The following CCDC191 variants were observed in gnomAD, a reference collection of about 807,000 sequenced individuals.
CCDC191 encodes coiled-coil domain-containing protein 191.
A neutral mutation model predicts 114.0 loss-of-function variants in CCDC191; 99 were observed. That is an observed-to-expected ratio of 0.87 (90% CI 0.74 to 1.03). The LOEUF (loss-of-function observed/expected upper bound fraction) is 1.03. Ranked by LOEUF, CCDC191 falls within the 50% of genes least tolerant of loss-of-function variation. CCDC191 has a pLI of 0.00. For synonymous variants in CCDC191, 351 were observed against 376.0 expected (o/e 0.93, Z 0.77); for missense variants, 973 against 1,087.0 (o/e 0.90, Z 1.47).
intron 16 of CCDC191, among the ~76,000 whole-genome samples, chr3:113,966,610 T>C (rs1445485934): frequency 6.6e-6 from 1 of 152,142 alleles, no homozygotes; most frequent in Non-Finnish European, 1.5e-5. Flanking sequence ...GTGGTGTGTG[T>C]GTGGAGTTAC....
intron 8 of CCDC191, among the ~76,000 whole-genome samples, chr3:114,013,324 G>A (rs2076105097): frequency 6.6e-6 from 1 of 152,120 alleles, no homozygotes; most frequent in South Asian, 2.1e-4. Flanking sequence ...AGGCAGAAAG[G>A]CAGAAGCACA....
intron 4 of CCDC191, among the ~76,000 whole-genome samples, chr3:114,041,590 C>T (rs1345302337): frequency 6.6e-6 from 1 of 152,116 alleles, no homozygotes; most frequent in Non-Finnish European, 1.5e-5. Flanking sequence ...TGTAGAAGAT[C>T]TCTATCTGGG....
chr3:113,978,153 G>A (rs754984259), intron 16 of CCDC191, 33 bp downstream of exon 16: 2 of 1,610,984 alleles, frequency 1.2e-6, no homozygotes, highest in Middle Eastern at 1.7e-4. Context: ...TGTGAAGTCA[G>A]AGAGTGAATT....
chr3:114,030,656 T>A (rs1201172770), intron 7 of CCDC191, among the ~76,000 whole-genome samples: 1 of 152,218 alleles, frequency 6.6e-6, no homozygotes, highest in Admixed American at 6.5e-5. Flanking sequence ...CCATCAAATA[T>A]GTCTATCGTT....
intron 4 of CCDC191, among the ~76,000 whole-genome samples, chr3:114,041,365 T>C (rs1447970840): frequency 6.6e-6 from 1 of 152,214 alleles, no homozygotes; most frequent in Non-Finnish European, 1.5e-5. Flanking sequence ...TAACAACTCC[T>C]ACAAAAAATA....
chr3:114,018,671 A>T lies in CCDC191; in HGVS notation c.1163+7T>A, dbSNP rs2076199907. The T allele has an allele frequency of 1.2e-6, 2 of 1,603,784 alleles. No individual in the cohort carries two copies. Among genetic ancestry groups the T allele is most frequent in the Non-Finnish European group, 1.7e-6 (2 of 1,174,242 alleles). The stretch of plus-strand genomic sequence containing the variant: ...ATACTAGATTTTCACAATACAAATA[A>T]TGATACCTGTTTTCTTCCCTAAGAT... On this transcript the variant is annotated splice_region_variant and intron_variant, in intron 8 of 16. Coordinates refer to ENST00000295878, the MANE Select transcript of CCDC191 (RefSeq NM_020817.2).
At chr3:113,974,959 T>C (rs1941185464) in intron 16 of CCDC191, among the ~76,000 whole-genome samples, 1 of 152,196 alleles carries the variant, frequency 6.6e-6, no homozygotes, top group African/African-American at 2.4e-5. Context: ...TTGGTAAATA[T>C]GTCTTGATAA....
rs1364108268 is a variant in CCDC191, at chr3:114,003,883, G to T, written c.1978+754C>A. 5.1e-6 allele frequency: 5 copies of T among 985,274 alleles called. No individual in the cohort carries two copies. The East Asian group carries it at 5.7e-4, about 112-fold the overall frequency. The allele number at this position is 985,274 out of a possible 1,614,324, so 61.0% of individuals were successfully genotyped here. On this transcript the variant is annotated intron_variant, in intron 11 of 16. Transcript: ENST00000295878. ...TGCCAACCACCACATGCAAACATAAGTACAGTGAAGGACTAAGCATATAGT... is the reference window on the plus strand; with the variant it reads ...TGCCAACCACCACATGCAAACATAATTACAGTGAAGGACTAAGCATATAGT...
At chr3:114,015,162 A>G (rs779878317) in intron 8 of CCDC191, among the ~76,000 whole-genome samples, 3 of 152,186 alleles carry the variant, frequency 2.0e-5, no homozygotes, top group Non-Finnish European at 2.9e-5. Context: ...AAATAAAAAA[A>G]AAATGTCCCG....
chr3:113,981,530 C>G (rs1415247412), intron 13 of CCDC191, among the ~76,000 whole-genome samples: 1 of 152,124 alleles, frequency 6.6e-6, no homozygotes, highest in Non-Finnish European at 1.5e-5. Flanking sequence ...GCAAGTGACA[C>G]CTGCAGTGAA....
At chr3:113,975,741 T>G (rs1254882323) in intron 16 of CCDC191, among the ~76,000 whole-genome samples, 1 of 152,180 alleles carries the variant, frequency 6.6e-6, no homozygotes, top group African/African-American at 2.4e-5. Flanking sequence ...ATGTGAAAGC[T>G]CTGAAGCAGA....
At chr3:114,049,997 T>C (rs1306876873) in intron 2 of CCDC191, among the ~76,000 whole-genome samples, 1 of 152,250 alleles carries the variant, frequency 6.6e-6, no homozygotes, top group Non-Finnish European at 1.5e-5. Context: ...CTTACTTTTT[T>C]TGTTTGTTTT....
chr3:114,038,265 G>A (rs1467104254), intron 4 of CCDC191, among the ~76,000 whole-genome samples: 1 of 152,204 alleles, frequency 6.6e-6, no homozygotes, highest in Non-Finnish European at 1.5e-5. Context: ...GTGGGGTAAT[G>A]AAGTCTCTAA....
At chr3:114,006,619 AAT>A (rs935793851) in intron 9 of CCDC191, among the ~76,000 whole-genome samples, 1 of 92,548 alleles carries the variant, frequency 1.1e-5, no homozygotes, top group African/African-American at 4.2e-5. Flanking sequence ...TATATATATA[AAT>A]ATATATATTT....
intron 8 of CCDC191, among the ~76,000 whole-genome samples, chr3:114,017,724 G>C (rs1275575212): frequency 1.3e-5 from 2 of 152,160 alleles, no homozygotes. Context: ...GCACACACCA[G>C]GGCCTGTTGA....
chr3:114,040,367 C>T (rs937071262), intron 4 of CCDC191, among the ~76,000 whole-genome samples: 5 of 152,044 alleles, frequency 3.3e-5, no homozygotes, highest in African/African-American at 1.2e-4. Context: ...TTGTTGAATT[C>T]CATTTCTGTC....
chr3:114,024,527 A>T (rs900673672), intron 7 of CCDC191, among the ~76,000 whole-genome samples: 2 of 152,228 alleles, frequency 1.3e-5, no homozygotes, highest in Non-Finnish European at 1.5e-5. Context: ...GCCATAAAAA[A>T]TGATGAGTTC....
At chr3:114,038,155 TATG>T (rs2076511961) in intron 4 of CCDC191, among the ~76,000 whole-genome samples, 1 of 152,220 alleles carries the variant, frequency 6.6e-6, no homozygotes, top group East Asian at 1.9e-4. Flanking sequence ...CATTTTAAGA[TATG>T]TAGAGGTAAC....
At chr3:114,011,080 A>C (rs2076062152) in intron 8 of CCDC191, 59 bp from the exon 9 acceptor site, 1 of 1,523,964 alleles carries the variant, frequency 6.6e-7, no homozygotes, top group Non-Finnish European at 8.8e-7. Flanking sequence ...GTTAATTGAT[A>C]ATATAAATGA....
Sources: allele counts gnomAD v4.1 joint callset (sites outside exome capture counted in the v4.1 genomes callset), GRCh38; gene constraint gnomAD v4.1.1; transcripts MANE v1.5; gene names NCBI Gene and HGNC (gene_info 2026-07-23, HGNC 2026-07-21).